Variants in AGBL4 observed in about 807,000 individuals in gnomAD.
AGBL4 encodes the protein cytosolic carboxypeptidase 6.
In AGBL4, 58 loss-of-function variants were observed where a neutral mutation model predicts 66.4. That is an observed-to-expected ratio of 0.87 (90% CI 0.71 to 1.09). The LOEUF is 1.09. Among genes scored for constraint, AGBL4 ranks in the 50% least tolerant of loss-of-function variants. The pLI is 0.00. For synonymous variants in AGBL4, 234 were observed against 222.9 expected (o/e 1.05, Z -0.44); for missense variants, 579 against 631.0 (o/e 0.92, Z 0.88).
chr1:48,840,274 G>A (rs557555734), intron 6 of AGBL4, among the ~76,000 whole-genome samples: 81 of 152,186 alleles, frequency 5.3e-4, no homozygotes, highest in Non-Finnish European at 6.0e-4. Context: ...GACTCCCAAG[G>A]CAGAGATACC....
intron 3 of AGBL4, among the ~76,000 whole-genome samples, chr1:49,260,397 T>C (rs949505996): frequency 6.6e-6 from 1 of 151,004 alleles, no homozygotes; most frequent in African/African-American, 2.4e-5. Flanking sequence ...TCAACAAAAT[T>C]GATAGACCGC....
rs118102481 is a variant in AGBL4, at chr1:48,936,436, C to T, written c.595-69206G>A. Among the ~76,000 whole-genome samples the T allele has an allele frequency of 1.5e-3, 230 of 152,192 alleles. 5 individuals are homozygous for T. In the East Asian group the frequency reaches 0.038, roughly 25 times the overall value. The stretch of plus-strand genomic sequence containing the variant: ...ACCTTCACGGAGATAATGTCTGAGA[C>T]CAAAAGAGACATGAAAAGCCAGTTG... On this transcript the variant is annotated intron_variant, in intron 5 of 13. Transcript: ENST00000371839.
rs1644032455 is a variant in AGBL4, at chr1:48,539,688, G to A, written c.1318C>T (p.Leu440=). 6.5e-7 allele frequency: 1 copy of A among 1,544,098 alleles called. No homozygotes were observed. Among genetic ancestry groups the A allele is most frequent in the Non-Finnish European group, 8.8e-7 (1 of 1,142,294 alleles). The change falls in exon 12 of 14, where the codon CTG becomes TTG. Residue 440 remains leucine, a synonymous_variant. Coordinates refer to ENST00000371839, the MANE Select transcript of AGBL4 (RefSeq NM_032785.4). The part of the protein sequence containing the change: ...VARTFLDYYR[L]NPVVEKVAIP... ...GCCACCTTTTCAACCACGGGGTTCAGCCGATAATAGTCCAAAAAGGTTCTT... is the reference window on the plus strand; with the variant it reads ...GCCACCTTTTCAACCACGGGGTTCAACCGATAATAGTCCAAAAAGGTTCTT...
chr1:49,627,220 A>G (rs1319901151), intron 3 of AGBL4, among the ~76,000 whole-genome samples: 1 of 152,296 alleles, frequency 6.6e-6, no homozygotes, highest in South Asian at 2.1e-4. Context: ...ATAAGACCAT[A>G]GTGTCATCAG....
At chr1:49,831,098 T>G (rs1645661356) in intron 2 of AGBL4, among the ~76,000 whole-genome samples, 1 of 152,226 alleles carries the variant, frequency 6.6e-6, no homozygotes, top group Non-Finnish European at 1.5e-5. Context: ...CAGACTTTTT[T>G]TTGGTTCCAA....
chr1:49,759,242 T>C (rs1652124301), intron 2 of AGBL4, among the ~76,000 whole-genome samples: 2 of 152,172 alleles, frequency 1.3e-5, no homozygotes, highest in South Asian at 4.1e-4. Context: ...CACTCTGATA[T>C]GTGATAAAAA....
chr1:48,586,418 G>C (rs1644820712), intron 11 of AGBL4: 1 of 152,954 alleles, frequency 6.5e-6, no homozygotes, highest in Non-Finnish European at 1.5e-5. Context: ...CAGAAAGGAG[G>C]GGAGGAGGGG....
chr1:48,595,362 A>T (rs1407456177), intron 9 of AGBL4, among the ~76,000 whole-genome samples: 1 of 152,252 alleles, frequency 6.6e-6, no homozygotes, highest in Non-Finnish European at 1.5e-5. Flanking sequence ...ATGAATAAGA[A>T]AATGAACTGA....
chr1:49,602,675 C>T (rs1200459899), intron 3 of AGBL4, among the ~76,000 whole-genome samples: 1 of 151,724 alleles, frequency 6.6e-6, no homozygotes, highest in African/African-American at 2.4e-5. Flanking sequence ...GGGAACATCA[C>T]ACACTGGGGC....
intron 3 of AGBL4, among the ~76,000 whole-genome samples, chr1:49,688,060 C>T (rs1646819128): frequency 6.6e-6 from 1 of 152,124 alleles, no homozygotes; most frequent in African/African-American, 2.4e-5. Context: ...TATCCTTTGT[C>T]TTATAAGCAA....
intron 3 of AGBL4, among the ~76,000 whole-genome samples, chr1:49,436,930 T>G (rs1645916692): frequency 6.6e-6 from 1 of 152,122 alleles, no homozygotes; most frequent in African/African-American, 2.4e-5. Context: ...GAAAAAAAAT[T>G]ATTAATCCAA....
At chr1:48,814,286 C>G (rs1646124075) in intron 6 of AGBL4, among the ~76,000 whole-genome samples, 1 of 152,056 alleles carries the variant, frequency 6.6e-6, no homozygotes, top group African/African-American at 2.4e-5. Flanking sequence ...GCTTATTTTC[C>G]CATCACTGAA....
intron 5 of AGBL4, among the ~76,000 whole-genome samples, chr1:48,873,627 A>C (rs61785990): frequency 0.52 from 79,094 of 151,998 alleles, 22,485 homozygotes; most frequent in Non-Finnish European, 0.65. Flanking sequence ...TTTGGTGATT[A>C]CTTGCTCCCA....
intron 3 of AGBL4, among the ~76,000 whole-genome samples, chr1:49,309,792 G>C (rs1426885259): frequency 6.6e-6 from 1 of 152,084 alleles, no homozygotes; most frequent in African/African-American, 2.4e-5. Context: ...CTATTATTTA[G>C]TTTAAACAAA....
At chr1:49,096,962 G>A (rs976958771) in intron 4 of AGBL4, among the ~76,000 whole-genome samples, 1 of 152,106 alleles carries the variant, frequency 6.6e-6, no homozygotes, top group Admixed American at 6.6e-5. Flanking sequence ...GGCTAATGTA[G>A]CTGGAAATGA....
chr1:49,860,893 G>A (rs892856782), intron 1 of AGBL4, among the ~76,000 whole-genome samples: 3 of 152,088 alleles, frequency 2.0e-5, no homozygotes, highest in Non-Finnish European at 4.4e-5. Flanking sequence ...ATCACTGAAA[G>A]AGGCACTGAA....
chr1:49,048,548 T>C (rs1423626817), intron 4 of AGBL4: 1 of 152,116 alleles, frequency 6.6e-6, no homozygotes, highest in Non-Finnish European at 1.5e-5. Flanking sequence ...CAGAAATCTA[T>C]TTGAGGAGGG....
chr1:49,509,855 A>G (rs1010569137), intron 3 of AGBL4, among the ~76,000 whole-genome samples: 2 of 152,014 alleles, frequency 1.3e-5, no homozygotes, highest in African/African-American at 4.8e-5. Context: ...CCATTAATAT[A>G]TATGAAATAC....
At chr1:48,836,471 T>C (rs1194861738) in intron 6 of AGBL4, among the ~76,000 whole-genome samples, 5 of 152,086 alleles carry the variant, frequency 3.3e-5, no homozygotes, top group African/African-American at 1.2e-4. Context: ...GCGGGAATGA[T>C]ACTCATGCCA....
Sources: allele counts gnomAD v4.1 joint callset (sites outside exome capture counted in the v4.1 genomes callset), GRCh38; gene constraint gnomAD v4.1.1; transcripts MANE v1.5; gene names NCBI Gene and HGNC (gene_info 2026-07-23, HGNC 2026-07-21).